Variants in CACNA2D3 observed in about 807,000 individuals in gnomAD.
The protein encoded by CACNA2D3 is voltage-dependent calcium channel subunit alpha-2/delta-3.
A neutral mutation model predicts 160.6 loss-of-function variants in CACNA2D3; 60 were observed. The observed-to-expected ratio is 0.37, with a 90% CI of 0.30 to 0.46. The LOEUF is 0.46. Among genes scored for constraint, CACNA2D3 ranks in the 20% least tolerant of loss-of-function variants. The pLI is 1.00. For synonymous variants in CACNA2D3, 558 were observed against 492.9 expected (o/e 1.13, Z -1.75); for missense variants, 1,205 against 1,365.0 (o/e 0.88, Z 1.85).
intron 11 of CACNA2D3, among the ~76,000 whole-genome samples, chr3:54,730,949 G>C (rs1169514126): frequency 6.6e-6 from 1 of 152,144 alleles, no homozygotes; most frequent in Non-Finnish European, 1.5e-5. Flanking sequence ...ATTTGAAACT[G>C]TCAAGAGATC....
chr3:54,885,345 C>G lies in CACNA2D3; in HGVS notation c.1958+19C>G, dbSNP rs763628894. The G allele has an allele frequency of 6.2e-7, 1 of 1,613,622 alleles. No homozygotes were observed. The highest frequency in any genetic ancestry group is 1.1e-5 in the South Asian group (1 of 91,084). ...ATGAATGGTAAGAATTAAACCATCC[C>G]TCCTTGACCATGGCATCCTTCATTG... is the stretch of plus-strand genomic sequence containing the variant. On this transcript the variant is annotated intron_variant, in intron 22 of 37. Transcript: ENST00000474759.
intron 29 of CACNA2D3, among the ~76,000 whole-genome samples, chr3:54,983,152 C>G (rs1413339405): frequency 6.6e-6 from 1 of 152,168 alleles, no homozygotes; most frequent in African/African-American, 2.4e-5. Flanking sequence ...GGTTAAAACT[C>G]ATTGTAGTAC....
chr3:55,004,317 G>T (rs534981623), intron 31 of CACNA2D3, among the ~76,000 whole-genome samples: 2 of 152,292 alleles, frequency 1.3e-5, no homozygotes, highest in South Asian at 4.1e-4. Context: ...GTTTCCTGGT[G>T]CTTAAGAAAC....
intron 27 of CACNA2D3, among the ~76,000 whole-genome samples, chr3:54,943,053 T>C (rs1324053693): frequency 6.6e-6 from 1 of 151,606 alleles, no homozygotes. Context: ...AAACTCAAAA[T>C]TAACCATGTG....
chr3:54,768,565 T>C (rs1330546542), intron 13 of CACNA2D3, among the ~76,000 whole-genome samples: 2 of 152,186 alleles, frequency 1.3e-5, no homozygotes, highest in Non-Finnish European at 2.9e-5. Context: ...AAATATATGG[T>C]CTGGGGCAGA....
Position 54,888,011 on chromosome 3 carries a change from C to T in CACNA2D3, c.2109C>T (p.Pro703=). 2 of 1,613,900 alleles carry T rather than the reference C, an allele frequency of 1.2e-6. No individual in the cohort carries two copies. The highest frequency in any genetic ancestry group is 2.2e-5 in the South Asian group (2 of 91,058). ...TTTTTGACGCGGTGGTGAGTGCCCC[C>T]ATTGAAGCGTATTGGACCAGCCTGG... ...EVLFDAVVSA[P]IEAYWTSLAL... Residue 703 remains proline, a synonymous_variant, in exon 24 of 38, where the codon CCC becomes CCT. Transcript: ENST00000474759.
At chr3:54,955,441 T>C (rs1701863369) in intron 27 of CACNA2D3, among the ~76,000 whole-genome samples, 1 of 151,978 alleles carries the variant, frequency 6.6e-6, no homozygotes, top group African/African-American at 2.4e-5. Context: ...TTAAGACAAT[T>C]GCATTTCTTT....
At chr3:54,836,052 G>T (rs1698672167) in intron 14 of CACNA2D3, among the ~76,000 whole-genome samples, 1 of 152,140 alleles carries the variant, frequency 6.6e-6, no homozygotes, top group African/African-American at 2.4e-5. Flanking sequence ...AGCCTACCAT[G>T]TTCCAAGACT....
At chr3:55,051,830 G>A (rs71308071) in intron 35 of CACNA2D3, among the ~76,000 whole-genome samples, 8,145 of 152,240 alleles carry the variant, frequency 0.054, 287 homozygotes, top group South Asian at 0.084. Context: ...TAAGCCCGTC[G>A]GAAAAGCGCA....
chr3:54,325,607 C>T (rs1029907523), intron 3 of CACNA2D3, among the ~76,000 whole-genome samples: 1 of 152,132 alleles, frequency 6.6e-6, no homozygotes, highest in African/African-American at 2.4e-5. Context: ...CCTCCACAAA[C>T]TTTAACAGGT....
chr3:54,666,842 C>T (rs575199253), intron 11 of CACNA2D3, among the ~76,000 whole-genome samples: 9 of 152,318 alleles, frequency 5.9e-5, no homozygotes, highest in East Asian at 1.9e-4. Flanking sequence ...TTGTCAACCT[C>T]GCATGGTTGG....
Position 54,832,968 on chromosome 3 carries a change from A to G in CACNA2D3, c.1399-4191A>G, listed in dbSNP as rs146585748. On this transcript the variant is annotated intron_variant, in intron 14 of 37. Coordinates refer to ENST00000474759, the MANE Select transcript of CACNA2D3 (RefSeq NM_018398.3). ...TGCCCTAGGTCTAGCCATGTTGCCA[A>G]CTGGTGCCATCAGTGGGAAACTAAT... is the stretch of plus-strand genomic sequence containing the variant. Among the ~76,000 whole-genome samples the G allele has an allele frequency of 8.4e-3, 1,286 of 152,296 alleles. 14 individuals carry two copies. Among genetic ancestry groups the G allele is most frequent in the African/African-American group, 0.028 (1,179 of 41,554 alleles).
At chr3:54,737,768 G>A (rs996200092) in intron 11 of CACNA2D3, among the ~76,000 whole-genome samples, 3 of 152,122 alleles carry the variant, frequency 2.0e-5, no homozygotes, top group African/African-American at 4.8e-5. Flanking sequence ...GGGTTCAAGC[G>A]ATTCTCTTGT....
At chr3:55,004,072 A>G (rs1182443673) in intron 31 of CACNA2D3, among the ~76,000 whole-genome samples, 1 of 152,250 alleles carries the variant, frequency 6.6e-6, no homozygotes, top group African/African-American at 2.4e-5. Context: ...GAATAATGTT[A>G]AAGTAAAACA....
Position 54,282,620 on chromosome 3 carries a change from C to A in CACNA2D3, c.205-37822C>A, listed in dbSNP as rs547805584. ...TGACTGTATTCAGTGATGTTACTGT[C>A]CTTGTGATTCTTAAGTCACCAGGCT... On this transcript the variant is annotated intron_variant, in intron 2 of 37. Coordinates refer to ENST00000474759, the MANE Select transcript of CACNA2D3 (RefSeq NM_018398.3). Among the ~76,000 whole-genome samples the A allele has an allele frequency of 6.6e-5, 10 of 152,278 alleles. No individual in the cohort carries two copies. The South Asian group carries it at 1.9e-3, about 28-fold the overall frequency.
rs2106886260 is a variant in CACNA2D3 at position 54,476,015 on chromosome 3, G to A, written c.382-27477G>A. ...CCCTTTTCTCCACTCTCAGCCCCTG[G>A]CAACCATCATTCTGTGTTACTGTAA... On this transcript the variant is annotated intron_variant, in intron 4 of 37. Coordinates refer to ENST00000474759, the MANE Select transcript of CACNA2D3 (RefSeq NM_018398.3). Among the ~76,000 whole-genome samples the A allele has an allele frequency of 2.0e-5, 3 of 148,408 alleles. No individual in the cohort carries two copies. In the East Asian group the frequency reaches 6.0e-4, roughly 29 times the overall value.
chr3:55,052,168 C>A (rs1704239246), intron 35 of CACNA2D3, among the ~76,000 whole-genome samples: 1 of 152,144 alleles, frequency 6.6e-6, no homozygotes, highest in South Asian at 2.1e-4. Flanking sequence ...TTCTCATTTT[C>A]CTTATGGCTT....
Position 54,626,187 on chromosome 3 carries a change from G to A in CACNA2D3, c.964-1600G>A, listed in dbSNP as rs1171149042. On this transcript the variant is annotated intron_variant, in intron 9 of 37. Coordinates refer to ENST00000474759, the MANE Select transcript of CACNA2D3 (RefSeq NM_018398.3). ...ACGATAACTGCGCAGGCGCGGACCA[G>A]AGAGCTCTTTTCTGAGGATCCGGCA... The A allele has an allele frequency of 6.7e-6, 5 of 743,042 alleles. No homozygotes were observed. The South Asian group carries it at 7.8e-5, about 12-fold the overall frequency. The allele number at this position is 743,042 out of a possible 1,614,324, so 46.0% of individuals were successfully genotyped here. A position where few individuals can be genotyped will look rare whatever the true frequency, so the allele number is the denominator to read the frequency against.
At chr3:54,468,158 A>G (rs936751053) in intron 4 of CACNA2D3, among the ~76,000 whole-genome samples, 1 of 152,228 alleles carries the variant, frequency 6.6e-6, no homozygotes, top group Non-Finnish European at 1.5e-5. Flanking sequence ...GCCAAATACA[A>G]ACAACTCCAG....
Sources: allele counts gnomAD v4.1 joint callset (sites outside exome capture counted in the v4.1 genomes callset), GRCh38; gene constraint gnomAD v4.1.1; transcripts MANE v1.5; gene names NCBI Gene and HGNC (gene_info 2026-07-23, HGNC 2026-07-21).